The following ADAMTS12 variants were observed in gnomAD, a reference collection of about 807,000 sequenced individuals.
ADAMTS12 encodes the protein A disintegrin and metalloproteinase with thrombospondin motifs 12.
In ADAMTS12, 118 loss-of-function variants were observed where a neutral mutation model predicts 167.8. The ratio of observed to expected loss-of-function variants is 0.70; its 90% CI spans 0.61 to 0.82. ADAMTS12 has a LOEUF of 0.82. Ranked by LOEUF, ADAMTS12 falls within the 40% of genes least tolerant of loss-of-function variation. The pLI is 0.00. For synonymous variants in ADAMTS12, 704 were observed against 716.9 expected, an observed-to-expected ratio of 0.98 and a Z score of 0.29; for missense variants, 1,916 against 1,998.8, an observed-to-expected ratio of 0.96 and a Z score of 0.79.
intron 18 of ADAMTS12, among the ~76,000 whole-genome samples, chr5:33,581,819 C>T (rs1303118541): frequency 6.6e-6 from 1 of 151,916 alleles, no homozygotes; most frequent in African/African-American, 2.4e-5. Flanking sequence ...TAGGGTGGGC[C>T]CTAATGGTAT....
intron 17 of ADAMTS12, among the ~76,000 whole-genome samples, chr5:33,592,477 T>C (rs1747693288): frequency 6.6e-6 from 1 of 152,180 alleles, no homozygotes; most frequent in Non-Finnish European, 1.5e-5. Flanking sequence ...AGCTTTGCTT[T>C]GCTGAAAACC....
chr5:33,734,929 C>T (rs1744318870), intron 3 of ADAMTS12, among the ~76,000 whole-genome samples: 1 of 152,208 alleles, frequency 6.6e-6, no homozygotes, highest in African/African-American at 2.4e-5. Context: ...CCCGGACATA[C>T]CTTACTGCAA....
intron 16 of ADAMTS12, among the ~76,000 whole-genome samples, chr5:33,597,784 C>A (rs982110567): frequency 2.0e-5 from 3 of 151,994 alleles, no homozygotes; most frequent in Non-Finnish European, 4.4e-5. Flanking sequence ...AGACTCGGAT[C>A]ATTGACATCA....
intron 2 of ADAMTS12, among the ~76,000 whole-genome samples, chr5:33,858,864 C>G (rs1397613839): frequency 6.6e-6 from 1 of 151,810 alleles, no homozygotes; most frequent in Admixed American, 6.6e-5. Context: ...AGAAGGCAAG[C>G]AGAAGCAGGA....
chr5:33,760,831 C>T (rs1383008826), intron 2 of ADAMTS12, among the ~76,000 whole-genome samples: 1 of 151,938 alleles, frequency 6.6e-6, no homozygotes, highest in African/African-American at 2.4e-5. Context: ...ACCCAACAAT[C>T]TTCTATCAGA....
chr5:33,776,728 A>C (rs1745923141), intron 2 of ADAMTS12, among the ~76,000 whole-genome samples: 1 of 152,096 alleles, frequency 6.6e-6, no homozygotes, highest in Non-Finnish European at 1.5e-5. Context: ...CAGAGCAGAG[A>C]TAAATGAAAT....
chr5:33,777,350 C>T (rs1379471731), intron 2 of ADAMTS12, among the ~76,000 whole-genome samples: 2 of 151,864 alleles, frequency 1.3e-5, no homozygotes, highest in Non-Finnish European at 2.9e-5. Flanking sequence ...AGGATTTATC[C>T]CTGAGATGCA....
At chr5:33,659,194 G>A (rs1416545534) in intron 6 of ADAMTS12, among the ~76,000 whole-genome samples, 1 of 152,142 alleles carries the variant, frequency 6.6e-6, no homozygotes, top group Non-Finnish European at 1.5e-5. Flanking sequence ...TCCAGACTTT[G>A]AGAACCCATG....
At chr5:33,645,732 A>C (rs547074398) in intron 9 of ADAMTS12, among the ~76,000 whole-genome samples, 73 of 152,288 alleles carry the variant, frequency 4.8e-4, no homozygotes, top group Admixed American at 1.4e-3. Flanking sequence ...TAACATGGAT[A>C]ATGCTACATT....
At chr5:33,642,069 G>T in intron 10 of ADAMTS12, 114 bp from the exon 11 acceptor site, 1 of 1,091,622 alleles carries the variant, frequency 9.2e-7, no homozygotes, top group Non-Finnish European at 1.3e-6. Context: ...GCTTTCTACA[G>T]TCACATATCA....
intron 3 of ADAMTS12, among the ~76,000 whole-genome samples, chr5:33,707,632 C>A (rs1294651620): frequency 1.3e-5 from 2 of 152,160 alleles, no homozygotes; most frequent in South Asian, 2.1e-4. Flanking sequence ...ACAACAGAGG[C>A]CTCAGAAATA....
intron 19 of ADAMTS12, among the ~76,000 whole-genome samples, chr5:33,574,779 A>T (rs981221253): frequency 2.6e-5 from 4 of 152,062 alleles, no homozygotes; most frequent in African/African-American, 9.7e-5. Context: ...TACCTATGAA[A>T]GTGGTTTGTA....
intron 2 of ADAMTS12, among the ~76,000 whole-genome samples, chr5:33,856,072 A>G (rs1749392410): frequency 6.6e-6 from 1 of 152,198 alleles, no homozygotes; most frequent in African/African-American, 2.4e-5. Flanking sequence ...CTTGTATTCC[A>G]GCACAAACAG....
At chr5:33,682,504 A>C (rs1341587865) in intron 5 of ADAMTS12, among the ~76,000 whole-genome samples, 1 of 152,186 alleles carries the variant, frequency 6.6e-6, no homozygotes, top group Non-Finnish European at 1.5e-5. Context: ...CTTACATTTA[A>C]GTCTTATATA....
chr5:33,595,791 C>T (rs563871002), intron 17 of ADAMTS12, 143 bp downstream of exon 17: 75 of 1,201,704 alleles, frequency 6.2e-5, no homozygotes, highest in Non-Finnish European at 8.1e-5. Flanking sequence ...ACAGCATAGC[C>T]ACAGAAAACT....
intron 19 of ADAMTS12, among the ~76,000 whole-genome samples, chr5:33,569,140 C>T (rs1746172503): frequency 6.6e-6 from 1 of 152,252 alleles, no homozygotes; most frequent in Non-Finnish European, 1.5e-5. Context: ...GCCTGCCTGC[C>T]TCTGTAGGCT....
chr5:33,784,650 C>T (rs934388064), intron 2 of ADAMTS12, among the ~76,000 whole-genome samples: 15 of 151,816 alleles, frequency 9.9e-5, no homozygotes, highest in Non-Finnish European at 1.9e-4. Flanking sequence ...TGTGCAATAT[C>T]TATATCCTGA....
chr5:33,816,809 A>T (rs10941098), intron 2 of ADAMTS12, among the ~76,000 whole-genome samples: 6 of 151,772 alleles, frequency 4.0e-5, no homozygotes, highest in Non-Finnish European at 7.4e-5. Context: ...AGTGAGTAGG[A>T]TTGTTCTGAA....
chr5:33,668,203 G>A (rs1741539565), intron 5 of ADAMTS12, among the ~76,000 whole-genome samples: 1 of 152,152 alleles, frequency 6.6e-6, no homozygotes, highest in Non-Finnish European at 1.5e-5. Context: ...ACTTACATGA[G>A]CCTACAATTG....
Sources: gnomAD v4.1 joint callset for allele counts (sites outside exome capture counted in the v4.1 genomes callset) on GRCh38, gnomAD v4.1.1 for gene constraint, MANE v1.5 for transcripts, NCBI Gene and HGNC (gene_info 2026-07-23, HGNC 2026-07-21) for gene names.